Variants in CFAP157 observed in about 807,000 individuals in gnomAD.
CFAP157 encodes cilia and flagella associated protein 157.
CFAP157 carries 43 observed loss-of-function variants against 57.8 expected under a neutral mutation model. The observed-to-expected ratio is 0.74, with a 90% CI of 0.58 to 0.96. The LOEUF (loss-of-function observed/expected upper bound fraction) is 0.96. Among genes scored for constraint, CFAP157 ranks in the 40% least tolerant of loss-of-function variants. The pLI is 0.00. For synonymous variants in CFAP157, 267 were observed against 269.0 expected, an observed-to-expected ratio of 0.99 and a Z score of 0.07; for missense variants, 606 against 655.3, an observed-to-expected ratio of 0.92 and a Z score of 0.82.
In CFAP157 at chr9:127,714,478, A is replaced by T. The variant is rs1259185466; in HGVS notation, c.*573A>T. On this transcript the variant is annotated 3_prime_UTR_variant, in exon 9 of 9. Coordinates refer to ENST00000373295, the MANE Select transcript of CFAP157 (RefSeq NM_001012502.3). ...TGCCTCCCTGGGGCAGTGTCCTTCC[A>T]CCCCTCCCTGCCCCGGCTGGGTCAG... 4 of 1,608,034 alleles carry T rather than the reference A, an allele frequency of 2.5e-6. No homozygotes were observed. The highest frequency in any genetic ancestry group is 3.4e-6 in the Non-Finnish European group (4 of 1,174,886).
chr9:127,715,408 T>A lies in CFAP157; in HGVS notation c.*1503T>A, dbSNP rs764607173. ...GTGCAGGAACGGAGCTTCAAGAAGT[T>A]TGGAGCCCGTCGAGCACTGAACTCA... On this transcript the variant is annotated 3_prime_UTR_variant, in exon 9 of 9. Transcript: ENST00000373295. The surrounding 1 kb of genome is among the most constrained non-coding windows in gnomAD (Gnocchi z 5.8). The A allele has an allele frequency of 7.3e-7, 1 of 1,369,312 alleles. No homozygotes were observed. Among genetic ancestry groups the A allele is most frequent in the African/African-American group, 1.4e-5 (1 of 69,518 alleles). 84.8% of individuals were successfully genotyped at this position (1,369,312 alleles called of 1,614,324 possible).
In CFAP157 at chr9:127,708,810, C is replaced by A. The variant is rs528204087; in HGVS notation, c.162-612C>A. Reference sequence around the variant, plus strand: ...AATGTGGCTCAGGGCCAAGAAGGGTCCACTGAGGAGAAAACACCAAGGTTA... The same window carrying A: ...AATGTGGCTCAGGGCCAAGAAGGGTACACTGAGGAGAAAACACCAAGGTTA... On this transcript the variant is annotated intron_variant, in intron 1 of 8. Transcript: ENST00000373295. Among the ~76,000 whole-genome samples the A allele has an allele frequency of 3.9e-5, 6 of 152,312 alleles. No homozygotes were observed. The South Asian group carries it at 6.2e-4, about 16-fold the overall frequency.
rs773635828 is a variant in CFAP157, at chr9:127,715,627, C to A, written c.*1722C>A. On this transcript the variant is annotated 3_prime_UTR_variant, in exon 9 of 9. Coordinates refer to ENST00000373295, the MANE Select transcript of CFAP157 (RefSeq NM_001012502.3). This position sits in a 1 kb window ranked among gnomAD's most constrained non-coding sequence, Gnocchi z 5.8. ...AGCCGCTGTCCGGCGCCCAAAAAGC[C>A]GCCCGGCCTCATGCTGCCCCCATTC... 75 of 1,612,268 alleles carry A rather than the reference C, an allele frequency of 4.7e-5. No individual in the cohort carries two copies. Among genetic ancestry groups the A allele is most frequent in the Non-Finnish European group, 6.2e-5 (73 of 1,179,942 alleles).
At position 127,714,135 on chromosome 9, in the gene CFAP157, G is replaced by A. The variant is rs375475837; in HGVS notation, c.*230G>A. On this transcript the variant is annotated 3_prime_UTR_variant, in exon 9 of 9. Transcript: ENST00000373295. ...AGTGAGGGCCCCTGGCTTCGCTCAC[G>A]GATGTGGTCCAAGATCAGGTCGGTG... 7 of 1,613,562 alleles carry A rather than the reference G, an allele frequency of 4.3e-6. No homozygotes were observed. Among genetic ancestry groups the A allele is most frequent in the East Asian group, 2.2e-5 (1 of 44,892 alleles).
chr9:127,709,268 A>G lies in CFAP157; in HGVS notation c.162-154A>G, dbSNP rs1296960333. On this transcript the variant is annotated intron_variant, in intron 1 of 8. Transcript: ENST00000373295. This position sits in a 1 kb window ranked among gnomAD's most constrained non-coding sequence, Gnocchi z 4.7. ...TGGCTGTGGTCATGACTGTCGGACC[A>G]AGGGGCATAGTGGGAGATGAGGCTG... Among the ~76,000 whole-genome samples the G allele has an allele frequency of 1.3e-5, 2 of 152,232 alleles. No homozygotes were observed. Among genetic ancestry groups the G allele is most frequent in the African/African-American group, 4.8e-5 (2 of 41,462 alleles).
In CFAP157 at chr9:127,715,370, G is replaced by A. The variant is rs776955202; in HGVS notation, c.*1465G>A. 8.9e-6 allele frequency: 11 copies of A among 1,239,676 alleles called. No individual in the cohort carries two copies. Among genetic ancestry groups the A allele is most frequent in the Non-Finnish European group, 1.3e-5 (11 of 874,620 alleles). 76.8% of individuals were successfully genotyped at this position (1,239,676 alleles called of 1,614,324 possible). ...CTGAGAACTCCAGAAGGCTGGGCAG[G>A]CAGGGCGCCCTAGTGCAGGAACGGA... On this transcript the variant is annotated 3_prime_UTR_variant, in exon 9 of 9. Transcript: ENST00000373295. This position sits in a 1 kb window ranked among gnomAD's most constrained non-coding sequence, Gnocchi z 5.8.
chr9:127,709,429 C>T lies in CFAP157; in HGVS notation c.169C>T (p.Arg57Trp), dbSNP rs147547262. ...GCTCTGCCCCTGCCCCAGGTACCAG[C>T]GGAAGTGGGATGAGCTGGCTGTGCA... ...DLEDRLARYQ[R>W]KWDELAVQEK... Residue 57 changes from arginine (R) to tryptophan (W), a missense_variant, in exon 2 of 9, where the codon CGG becomes TGG. Transcript: ENST00000373295. The surrounding 1 kb of genome is among the most constrained non-coding windows in gnomAD (Gnocchi z 4.7). The T allele has an allele frequency of 2.5e-5, 40 of 1,613,156 alleles. No homozygotes were observed. Among genetic ancestry groups the T allele is most frequent in the Middle Eastern group, 1.7e-4 (1 of 5,824 alleles).
Position 127,713,186 on chromosome 9 carries a change from C to A in CFAP157, c.1471C>A (p.Arg491=), listed in dbSNP as rs750433288. The change falls in exon 8 of 9, where the codon CGG becomes AGG. Residue 491 remains arginine, a synonymous_variant. Coordinates refer to ENST00000373295, the MANE Select transcript of CFAP157 (RefSeq NM_001012502.3). ...ATATATCACCCGTGTGGGGACCTTCCGGGCACACAGCAGCCCTGAGGTGAG... is the reference window on the plus strand; with the variant it reads ...ATATATCACCCGTGTGGGGACCTTCAGGGCACACAGCAGCCCTGAGGTGAG... ...LSYITRVGTF[R]AHSSPEMRAP... is the part of the protein sequence containing the mutation. The A allele has an allele frequency of 6.4e-7, 1 of 1,561,118 alleles. No homozygotes were observed. Among genetic ancestry groups the A allele is most frequent in the Non-Finnish European group, 8.7e-7 (1 of 1,153,540 alleles).
rs1485429281 is a variant in CFAP157 at position 127,712,336 on chromosome 9, A to C, written c.1124A>C (p.Gln375Pro). The C allele has an allele frequency of 3.7e-6, 6 of 1,613,954 alleles. No homozygotes were observed. The highest frequency in any genetic ancestry group is 1.1e-5 in the South Asian group (1 of 91,068). ...CTGGTCCAGGCCACCTCCTTCCTAC[A>C]GAACATTCTGCAGGTGAGCAGAAGG... ...AALVQATSFL[Q>P]NILQMHRDEE... Residue 375 changes from glutamine (Q) to proline (P), a missense_variant, in exon 6 of 9, where the codon CAG (glutamine) becomes CCG (proline). Transcript: ENST00000373295.
In CFAP157 at chr9:127,715,682, C is replaced by G. The variant is rs553236653; in HGVS notation, c.*1777C>G. 1.4e-5 allele frequency: 22 copies of G among 1,592,204 alleles called. No homozygotes were observed. The highest frequency in any genetic ancestry group is 4.0e-5 in the African/African-American group (3 of 74,500). ...CGACACCGCCCCCTGACGTCATCAC[C>G]CCGCAGCAGCCAATCGTGTTGCCAA... On this transcript the variant is annotated 3_prime_UTR_variant, in exon 9 of 9. Transcript: ENST00000373295. This position sits in a 1 kb window ranked among gnomAD's most constrained non-coding sequence, Gnocchi z 5.8.
intron 4 of CFAP157, 102 bp from the exon 5 acceptor site, chr9:127,711,702 AGTCCAGCCCTGGAGAG>A: frequency 8.0e-7 from 1 of 1,249,704 alleles, no homozygotes; most frequent in South Asian, 1.5e-5. Context: ...ATGGAAGCAG[AGTCCAGCCCTGGAGAG>A]CTCACTGGCC....
In CFAP157 at chr9:127,714,440, G is replaced by A. The variant is rs1564369398; in HGVS notation, c.*535G>A. On this transcript the variant is annotated 3_prime_UTR_variant, in exon 9 of 9. Coordinates refer to ENST00000373295, the MANE Select transcript of CFAP157 (RefSeq NM_001012502.3). Reference sequence around the variant, plus strand: ...ATTGTGGCCCCTTCAAGGGATATGGGAGGGGCAGTTAGTGCCTCCCTGGGG... The same window carrying A: ...ATTGTGGCCCCTTCAAGGGATATGGAAGGGGCAGTTAGTGCCTCCCTGGGG... The A allele has an allele frequency of 6.2e-7, 1 of 1,614,048 alleles. No individual in the cohort carries two copies. The highest frequency in any genetic ancestry group is 8.5e-7 in the Non-Finnish European group (1 of 1,179,920).
chr9:127,707,183 G>T lies in CFAP157; in HGVS notation c.152G>T (p.Arg51Leu), dbSNP rs756153647. 7 of 1,611,554 alleles carry T rather than the reference G, an allele frequency of 4.3e-6. No individual in the cohort carries two copies. The highest frequency in any genetic ancestry group is 1.3e-5 in the African/African-American group (1 of 74,900). Reference sequence around the variant, plus strand: ...ATCCAGATCCGAGACCTGGAGGACCGGCTAGCCCGGTGCGTGGGCTGGCGG... The same window carrying T: ...ATCCAGATCCGAGACCTGGAGGACCTGCTAGCCCGGTGCGTGGGCTGGCGG... ...YHIQIRDLEDRLARYQRKWDE... is the reference protein window; with the variant it reads ...YHIQIRDLEDLLARYQRKWDE... The change falls in exon 1 of 9, where the codon CGG becomes CTG. Residue 51 changes from arginine to leucine, a missense_variant. Physicochemically the swap from Arg to Leu is moderately radical, Grantham distance 102. Coordinates refer to ENST00000373295, the MANE Select transcript of CFAP157 (RefSeq NM_001012502.3).
rs200823204 is a variant in CFAP157 at position 127,714,620 on chromosome 9, C to A, written c.*715C>A. 6.2e-6 allele frequency: 10 copies of A among 1,613,878 alleles called. No homozygotes were observed. The highest frequency in any genetic ancestry group is 8.5e-6 in the Non-Finnish European group (10 of 1,179,910). On this transcript the variant is annotated 3_prime_UTR_variant, in exon 9 of 9. Coordinates refer to ENST00000373295, the MANE Select transcript of CFAP157 (RefSeq NM_001012502.3). The stretch of plus-strand genomic sequence containing the variant: ...GACCTCACCTGGCACTGCCCCCCAG[C>A]TTCAGAGCCAGTCTCCCCAGGGGCT...
At position 127,711,932 on chromosome 9, in the gene CFAP157, T is replaced by C. The variant is rs1445418653; in HGVS notation, c.968T>C (p.Val323Ala). Reference sequence around the variant, plus strand: ...GAGCAGAGATCCCTGCAGCTGCAGGTGGATAACCAGGCACTGAAGTGCGTA... The same window carrying C: ...GAGCAGAGATCCCTGCAGCTGCAGGCGGATAACCAGGCACTGAAGTGCGTA... ...QLEQRSLQLQ[V>A]DNQALKSQRD... The change falls in exon 5 of 9, where the codon GTG (valine) becomes GCG (alanine). Residue 323 changes from valine (V) to alanine (A), a missense_variant. Coordinates refer to ENST00000373295, the MANE Select transcript of CFAP157 (RefSeq NM_001012502.3). 2 of 1,606,232 alleles carry C rather than the reference T, an allele frequency of 1.2e-6. No individual in the cohort carries two copies.
Position 127,715,639 on chromosome 9 carries a change from T to A in CFAP157, c.*1734T>A, listed in dbSNP as rs780042994. 1.9e-6 allele frequency: 3 copies of A among 1,611,594 alleles called. No homozygotes were observed. The highest frequency in any genetic ancestry group is 2.5e-6 in the Non-Finnish European group (3 of 1,179,758). ...GCGCCCAAAAAGCCGCCCGGCCTCATGCTGCCCCCATTCACTCCGACACCG... is the reference window on the plus strand; with the variant it reads ...GCGCCCAAAAAGCCGCCCGGCCTCAAGCTGCCCCCATTCACTCCGACACCG... On this transcript the variant is annotated 3_prime_UTR_variant, in exon 9 of 9. Transcript: ENST00000373295. The surrounding 1 kb of genome is among the most constrained non-coding windows in gnomAD (Gnocchi z 5.8).
rs1192095269 is a variant in CFAP157, at chr9:127,715,642, T to TGCCCCCATTCACTCCGACACC, written c.*1744_*1764dup. On this transcript the variant is annotated 3_prime_UTR_variant, in exon 9 of 9. Coordinates refer to ENST00000373295, the MANE Select transcript of CFAP157 (RefSeq NM_001012502.3). The surrounding 1 kb of genome is among the most constrained non-coding windows in gnomAD (Gnocchi z 5.8). ...CCCAAAAAGCCGCCCGGCCTCATGC[T>TGCCCCCATTCACTCCGACACC]GCCCCCATTCACTCCGACACCGCCC... The TGCCCCCATTCACTCCGACACC allele has an allele frequency of 6.8e-6, 11 of 1,611,318 alleles. No homozygotes were observed. The highest frequency in any genetic ancestry group is 9.3e-6 in the Non-Finnish European group (11 of 1,179,722).
chr9:127,714,374 C>G lies in CFAP157; in HGVS notation c.*469C>G. 1 of 1,614,248 alleles carries G rather than the reference C, an allele frequency of 6.2e-7. No homozygotes were observed. Among genetic ancestry groups the G allele is most frequent in the African/African-American group, 1.3e-5 (1 of 75,070 alleles). The stretch of plus-strand genomic sequence containing the variant: ...CCCAGTTGCACAACAAAAGGGTAGA[C>G]TCACATTGGAGTTGAGGCAGCTAAT... On this transcript the variant is annotated 3_prime_UTR_variant, in exon 9 of 9. Coordinates refer to ENST00000373295, the MANE Select transcript of CFAP157 (RefSeq NM_001012502.3).
chr9:127,708,246 A>G (rs1348661175), intron 1 of CFAP157, among the ~76,000 whole-genome samples: 1 of 152,212 alleles, frequency 6.6e-6, no homozygotes, highest in Non-Finnish European at 1.5e-5. Context: ...TGGGAGGCCA[A>G]GGTGGGCAGA....
Sources: allele counts gnomAD v4.1 joint callset (sites outside exome capture counted in the v4.1 genomes callset), GRCh38; gene constraint gnomAD v4.1.1; non-coding constraint Gnocchi (gnomAD v3.1); transcripts MANE v1.5; gene names NCBI Gene and HGNC (gene_info 2026-07-23, HGNC 2026-07-21).